RPSA2: variants seen among roughly 807,000 people sequenced by gnomAD.
RPSA2 encodes the protein ribosomal protein SA 2.
the RPSA2 span, among the ~76,000 whole-genome samples, chr19:23,863,905 C>T: frequency 1.3e-5 from 2 of 152,136 alleles, no homozygotes; most frequent in Non-Finnish European, 2.9e-5. Context: ...CAGTGCAGAA[C>T]AGAATAACAG....
At chr19:23,785,007 G>C in the RPSA2 span, among the ~76,000 whole-genome samples, 1 of 152,290 alleles carries the variant, frequency 6.6e-6, no homozygotes, top group Admixed American at 6.5e-5. Context: ...CTCATTCCTG[G>C]ACTTTCTTTC....
the RPSA2 span, among the ~76,000 whole-genome samples, chr19:23,822,369 A>G: frequency 6.6e-6 from 1 of 152,168 alleles, no homozygotes; most frequent in African/African-American, 2.4e-5. Context: ...TGCCTGGGCT[A>G]TCCTTTGACA....
chr19:23,781,120 G>C, the RPSA2 span, among the ~76,000 whole-genome samples: 1 of 152,086 alleles, frequency 6.6e-6, no homozygotes, highest in Non-Finnish European at 1.5e-5. Flanking sequence ...GACTACCGGT[G>C]CATGCCACAA....
the RPSA2 span, chr19:23,831,864 A>G: frequency 1.0e-5 from 3 of 291,448 alleles, no homozygotes. Context: ...AAAAAATAAG[A>G]TATACTGGAA....
the RPSA2 span, among the ~76,000 whole-genome samples, chr19:23,807,535 A>G: frequency 6.6e-6 from 1 of 152,338 alleles, no homozygotes; most frequent in South Asian, 2.1e-4. Context: ...TTATGTAAAT[A>G]TAGTACTCAA....
chr19:23,761,246 A>G, the RPSA2 span, among the ~76,000 whole-genome samples: 5 of 151,790 alleles, frequency 3.3e-5, no homozygotes, highest in South Asian at 1.0e-3. Context: ...CACAAGGCCA[A>G]TTTTCTAAAT....
the RPSA2 span, among the ~76,000 whole-genome samples, chr19:23,866,466 G>A: frequency 6.6e-6 from 1 of 152,040 alleles, no homozygotes. Flanking sequence ...ATTTTAAAAA[G>A]GAATGCCACC....
the RPSA2 span, among the ~76,000 whole-genome samples, chr19:23,829,486 A>T: frequency 2.8e-4 from 43 of 152,184 alleles, no homozygotes; most frequent in East Asian, 7.5e-3. Context: ...TTTTTAGTAG[A>T]TATGAGGTTT....
chr19:23,815,507 T>TCTTC, the RPSA2 span, among the ~76,000 whole-genome samples: 7 of 152,194 alleles, frequency 4.6e-5, no homozygotes, highest in Non-Finnish European at 7.3e-5. Flanking sequence ...GTACAGTTAC[T>TCTTC]CTTCGCCTTC....
the RPSA2 span, among the ~76,000 whole-genome samples, chr19:23,785,580 C>T: frequency 6.6e-6 from 1 of 152,132 alleles, no homozygotes; most frequent in Non-Finnish European, 1.5e-5. Context: ...TGCTGCCTGT[C>T]TTGCTTTCAG....
chr19:23,858,709 C>T, the RPSA2 span, among the ~76,000 whole-genome samples: 54 of 152,258 alleles, frequency 3.5e-4, no homozygotes, highest in Admixed American at 6.5e-4. Flanking sequence ...ATGTGGACTG[C>T]GCATGTTCAA....
chr19:23,856,801 A>T, the RPSA2 span, among the ~76,000 whole-genome samples: 1 of 152,208 alleles, frequency 6.6e-6, no homozygotes, highest in Non-Finnish European at 1.5e-5. Context: ...GCAGGTTTTT[A>T]TTAAGGATTT....
chr19:23,788,464 A>G, the RPSA2 span, among the ~76,000 whole-genome samples: 2 of 152,096 alleles, frequency 1.3e-5, no homozygotes, highest in South Asian at 2.1e-4. Context: ...CCCAGCACCT[A>G]TGTGATGGGA....
At chr19:23,813,232 C>CAAAAAAAAAAAAAA in the RPSA2 span, among the ~76,000 whole-genome samples, 1 of 121,018 alleles carries the variant, frequency 8.3e-6, no homozygotes, top group Non-Finnish European at 1.7e-5. Flanking sequence ...GACCCTGTCT[C>CAAAAAAAAAAAAAA]AAAAAAAAAA....
the RPSA2 span, among the ~76,000 whole-genome samples, chr19:23,759,546 C>G: frequency 2.2e-3 from 2 of 922 alleles, no homozygotes; most frequent in Admixed American, 0.026. Flanking sequence ...TTTTTTGAGA[C>G]GGAGTCTCGC....
the RPSA2 span, among the ~76,000 whole-genome samples, chr19:23,774,538 A>G: frequency 6.6e-6 from 1 of 152,142 alleles, no homozygotes; most frequent in Admixed American, 6.6e-5. Context: ...ATTGTGACAT[A>G]TTACTGGGCT....
chr19:23,823,974 A>G, the RPSA2 span: 1 of 152,264 alleles, frequency 6.6e-6, no homozygotes, highest in Non-Finnish European at 1.5e-5. Context: ...GTGTTGCAGA[A>G]AACAGGAGGC....
At chr19:23,781,658 A>C in the RPSA2 span, among the ~76,000 whole-genome samples, 1 of 152,114 alleles carries the variant, frequency 6.6e-6, no homozygotes, top group Admixed American at 6.5e-5. Flanking sequence ...TAATTTGCAA[A>C]GGAAATTGAG....
At chr19:23,865,000 CT>C in the RPSA2 span, among the ~76,000 whole-genome samples, 1 of 152,244 alleles carries the variant, frequency 6.6e-6, no homozygotes, top group East Asian at 1.9e-4. Context: ...ACTCTTTTGT[CT>C]TTGTCTTTAT....
Sources: gnomAD v4.1 joint callset for allele counts (sites outside exome capture counted in the v4.1 genomes callset) on GRCh38, gnomAD v4.1.1 for gene constraint, MANE v1.5 for transcripts, NCBI Gene and HGNC (gene_info 2026-07-23, HGNC 2026-07-21) for gene names.